Variants in CDH6 observed in about 807,000 individuals in gnomAD.
CDH6 encodes cadherin-6.
A neutral mutation model predicts 78.0 loss-of-function variants in CDH6; 31 were observed. The observed-to-expected ratio is 0.40, with a 90% confidence interval of 0.30 to 0.54. CDH6 has a LOEUF of 0.54. Among genes scored for constraint, CDH6 ranks in the 20% least tolerant of loss-of-function variants. The pLI, the probability that CDH6 is intolerant of heterozygous loss-of-function variation, is 0.56. For missense variants in CDH6, 724 were observed against 975.9 expected (o/e 0.74, Z 3.44); for synonymous variants, 376 against 368.8 (o/e 1.02, Z -0.23).
intron 4 of CDH6, among the ~76,000 whole-genome samples, chr5:31,298,603 G>T (rs1737672058): frequency 6.6e-6 from 1 of 152,146 alleles, no homozygotes; most frequent in Non-Finnish European, 1.5e-5. Flanking sequence ...TTCATTAGTT[G>T]TTAAGCACTA....
At chr5:31,298,071 G>A (rs1000178652) in intron 4 of CDH6, among the ~76,000 whole-genome samples, 6 of 152,172 alleles carry the variant, frequency 3.9e-5, no homozygotes, top group African/African-American at 1.4e-4. Context: ...CATCCTAACT[G>A]ATGGAGTCCT....
In CDH6 at chr5:31,328,349, A is replaced by G. The variant is rs943239276; in HGVS notation, c.*5041A>G. Reference sequence around the variant, plus strand: ...ACGTTATTTATGTAAATATGTCTGGAGGCACCTTCTCTAAGCTTTTAGTTT... The same window carrying G: ...ACGTTATTTATGTAAATATGTCTGGGGGCACCTTCTCTAAGCTTTTAGTTT... On this transcript the variant is annotated 3_prime_UTR_variant, in exon 12 of 12. Transcript: ENST00000265071. The G allele has an allele frequency of 5.0e-6, 1 of 200,296 alleles. No homozygotes were observed. Among genetic ancestry groups the G allele is most frequent in the Non-Finnish European group, 1.0e-5 (1 of 97,262 alleles). 12.4% of individuals were successfully genotyped at this position (200,296 alleles called of 1,614,324 possible). A position where few individuals can be genotyped will look rare whatever the true frequency, so the allele number is the denominator to read the frequency against.
intron 1 of CDH6, among the ~76,000 whole-genome samples, chr5:31,214,938 GA>G (rs1740823456): frequency 6.6e-6 from 1 of 152,136 alleles, no homozygotes; most frequent in African/African-American, 2.4e-5. Context: ...TTCTATGATT[GA>G]AATTATAGTC....
chr5:31,288,507 T>G (rs762254024), intron 2 of CDH6, among the ~76,000 whole-genome samples: 1 of 152,182 alleles, frequency 6.6e-6, no homozygotes, highest in Non-Finnish European at 1.5e-5. Context: ...CACAACACTG[T>G]CTATTTATTA....
chr5:31,277,801 G>A (rs1221824811), intron 2 of CDH6, among the ~76,000 whole-genome samples: 1 of 152,088 alleles, frequency 6.6e-6, no homozygotes, highest in African/African-American at 2.4e-5. Flanking sequence ...CTTGAATTAA[G>A]CTACAGTGAG....
At chr5:31,195,740 T>C (rs990349272) in intron 1 of CDH6, among the ~76,000 whole-genome samples, 1 of 152,182 alleles carries the variant, frequency 6.6e-6, no homozygotes, top group Non-Finnish European at 1.5e-5. Context: ...TGCAATCACA[T>C]AGGGTTGTAT....
At chr5:31,263,257 TTC>T (rs1742257453) in intron 1 of CDH6, among the ~76,000 whole-genome samples, 3 of 134,130 alleles carry the variant, frequency 2.2e-5, no homozygotes, top group African/African-American at 9.4e-5. Context: ...CAGGTCTCTC[TTC>T]TTTTTTTTTT....
intron 1 of CDH6, among the ~76,000 whole-genome samples, chr5:31,199,945 A>G (rs1403797041): frequency 1.3e-5 from 2 of 151,868 alleles, no homozygotes; most frequent in Non-Finnish European, 2.9e-5. Context: ...TTTCCAGGGA[A>G]TCTCTGTTTG....
intron 2 of CDH6, among the ~76,000 whole-genome samples, chr5:31,279,875 T>C (rs971853495): frequency 1.3e-5 from 2 of 152,294 alleles, no homozygotes; most frequent in Admixed American, 6.5e-5. Context: ...TATATCATGT[T>C]AAAAGAAAAA....
chr5:31,313,239 A>G (rs772354950), intron 7 of CDH6, 79 bp from the exon 8 acceptor site: 8 of 1,304,642 alleles, frequency 6.1e-6, no homozygotes, highest in Admixed American at 3.7e-5. Context: ...GATGTGTACC[A>G]GATGTTTTAT....
intron 2 of CDH6, among the ~76,000 whole-genome samples, chr5:31,286,924 G>A (rs1743027147): frequency 6.6e-6 from 1 of 152,136 alleles, no homozygotes; most frequent in South Asian, 2.1e-4. Flanking sequence ...CTTAATGAAT[G>A]TGGGGATAGT....
intron 1 of CDH6, among the ~76,000 whole-genome samples, chr5:31,218,302 AAAAC>A (rs1362765381): frequency 6.6e-6 from 1 of 152,224 alleles, no homozygotes; most frequent in African/African-American, 2.4e-5. Context: ...TAGCCAAAAG[AAAAC>A]TATACCTGAA....
At chr5:31,226,325 C>T (rs1172039257) in intron 1 of CDH6, among the ~76,000 whole-genome samples, 1 of 152,100 alleles carries the variant, frequency 6.6e-6, no homozygotes, top group Non-Finnish European at 1.5e-5. Context: ...CAGGCGCCCA[C>T]CACCACGCCC....
rs1738651889 is a variant in CDH6, at chr5:31,327,797, A to G, written c.*4489A>G. 4.7e-6 allele frequency: 1 copy of G among 212,044 alleles called. No homozygotes were observed. Among genetic ancestry groups the G allele is most frequent in the Admixed American group, 5.9e-5 (1 of 17,030 alleles). The allele number at this position is 212,044 out of a possible 1,614,324, so 13.1% of individuals were successfully genotyped here. On this transcript the variant is annotated 3_prime_UTR_variant, in exon 12 of 12. Transcript: ENST00000265071. Reference sequence around the variant, plus strand: ...TCTCTACTAAAAATATCAGACCCCGACCATATTTAATGTGGAGAGCAATAC... The same window carrying G: ...TCTCTACTAAAAATATCAGACCCCGGCCATATTTAATGTGGAGAGCAATAC...
chr5:31,253,307 A>C (rs1367084385), intron 1 of CDH6, among the ~76,000 whole-genome samples: 1 of 152,194 alleles, frequency 6.6e-6, no homozygotes, highest in Non-Finnish European at 1.5e-5. Flanking sequence ...ATAATGAGTG[A>C]GTTCTCACAA....
At chr5:31,270,386 CA>C (rs1023586819) in intron 2 of CDH6, among the ~76,000 whole-genome samples, 2 of 151,956 alleles carry the variant, frequency 1.3e-5, no homozygotes, top group African/African-American at 4.8e-5. Flanking sequence ...CGTAAATTGA[CA>C]AAAAAAATTA....
In CDH6 at chr5:31,325,341, C is replaced by G; in HGVS notation, c.*2033C>G. The G allele has an allele frequency of 4.3e-6, 1 of 232,258 alleles. No individual in the cohort carries two copies. The highest frequency in any genetic ancestry group is 8.5e-6 in the Non-Finnish European group (1 of 117,668). The allele number at this position is 232,258 out of a possible 1,614,324, so 14.4% of individuals were successfully genotyped here. On this transcript the variant is annotated 3_prime_UTR_variant, in exon 12 of 12. Transcript: ENST00000265071. ...ACACATACACACACACACACACACA[C>G]ACACACACACACACGAATGCAAACA...
chr5:31,225,711 A>C (rs1361067213), intron 1 of CDH6, among the ~76,000 whole-genome samples: 1 of 152,188 alleles, frequency 6.6e-6, no homozygotes, highest in Non-Finnish European at 1.5e-5. Flanking sequence ...ACCTCCCATC[A>C]GGCCTATCCT....
At chr5:31,223,534 G>T in intron 1 of CDH6, among the ~76,000 whole-genome samples, 1 of 152,058 alleles carries the variant, frequency 6.6e-6, no homozygotes, top group East Asian at 1.9e-4. Context: ...TTTTATTCTT[G>T]TTTGTAATTA....
Sources: gnomAD v4.1 joint callset for allele counts (sites outside exome capture counted in the v4.1 genomes callset) on GRCh38, gnomAD v4.1.1 for gene constraint, MANE v1.5 for transcripts, NCBI Gene and HGNC (gene_info 2026-07-23, HGNC 2026-07-21) for gene names.